The following MSTO1 variants were observed in gnomAD, a reference collection of about 807,000 sequenced individuals.
MSTO1 encodes protein misato homolog 1.
MSTO1 carries 24 observed loss-of-function variants against 55.7 expected under a neutral mutation model. The observed-to-expected ratio is 0.43, with a 90% CI of 0.31 to 0.61. The LOEUF (loss-of-function observed/expected upper bound fraction) is 0.61, where lower values mean the gene tolerates loss of function less well. Among genes scored for constraint, MSTO1 ranks in the 20% least tolerant of loss-of-function variants. The pLI is 0.09. For missense variants in MSTO1, 363 were observed against 625.7 expected, an observed-to-expected ratio of 0.58 and a Z score of 4.48; for synonymous variants, 162 against 252.8, an observed-to-expected ratio of 0.64 and a Z score of 3.41.
upstream of MSTO1, among the ~76,000 whole-genome samples, chr1:155,605,625 T>A (rs1672924813): frequency 6.6e-6 from 1 of 151,978 alleles, no homozygotes; most frequent in Admixed American, 6.6e-5. Context: ...AACATAGACC[T>A]CCTCTCTACA....
At chr1:155,598,720 T>G in the MSTO1 span, 1 of 530,098 alleles carries the variant, frequency 1.9e-6, no homozygotes, top group East Asian at 3.8e-5. Flanking sequence ...AGACCCAGTC[T>G]CAAACAGCAA....
At chr1:155,609,241 A>ATTT (rs1481008523), upstream of MSTO1, among the ~76,000 whole-genome samples, 51 of 48,336 alleles carry the variant, frequency 1.1e-3, no homozygotes, top group South Asian at 3.9e-3. Flanking sequence ...ATATATATAT[A>ATTT]TATTTTTTTT....
chr1:155,606,155 TCCCGA>T (rs1202856439), upstream of MSTO1, among the ~76,000 whole-genome samples: 8 of 125,238 alleles, frequency 6.4e-5, no homozygotes, highest in Non-Finnish European at 1.3e-4. Flanking sequence ...TGCCTCAGCC[TCCCGA>T]GTAGCTGGGA....
chr1:155,575,850 G>A, the MSTO1 span, among the ~76,000 whole-genome samples: 5 of 149,784 alleles, frequency 3.3e-5, no homozygotes, highest in Non-Finnish European at 7.4e-5. Context: ...TTGAGACAGA[G>A]TTCGCTCTGT....
chr1:155,571,285 T>G, the MSTO1 span, among the ~76,000 whole-genome samples: 3 of 152,232 alleles, frequency 2.0e-5, no homozygotes, highest in South Asian at 6.2e-4. Flanking sequence ...TGATAAACTT[T>G]CTTAAAACAT....
the MSTO1 span, among the ~76,000 whole-genome samples, chr1:155,601,232 C>A: frequency 6.6e-6 from 1 of 151,666 alleles, no homozygotes. Flanking sequence ...CTCCCAGGTT[C>A]AAGTGATTCT....
At chr1:155,606,158 C>T (rs577658026), upstream of MSTO1, among the ~76,000 whole-genome samples, 8 of 143,752 alleles carry the variant, frequency 5.6e-5, no homozygotes, top group East Asian at 2.0e-4. Context: ...CTCAGCCTCC[C>T]GAGTAGCTGG....
the MSTO1 span, chr1:155,586,849 G>A: frequency 7.6e-6 from 2 of 262,088 alleles, 1 homozygote; most frequent in South Asian, 7.6e-5. Context: ...CCAGGTTCAA[G>A]CAATTCTCAT....
At chr1:155,570,317 C>T in the MSTO1 span, among the ~76,000 whole-genome samples, 1 of 152,154 alleles carries the variant, frequency 6.6e-6, no homozygotes, top group African/African-American at 2.4e-5. Context: ...TTTAAATTGT[C>T]CACTGTTCTG....
the MSTO1 span, among the ~76,000 whole-genome samples, chr1:155,564,245 G>C: frequency 2.0e-5 from 3 of 152,250 alleles, no homozygotes; most frequent in Non-Finnish European, 4.4e-5. Context: ...TGTAATCCCA[G>C]CGCTTTGGGA....
the MSTO1 span, among the ~76,000 whole-genome samples, chr1:155,594,881 A>G: frequency 1.3e-5 from 2 of 152,186 alleles, no homozygotes; most frequent in African/African-American, 4.8e-5. Flanking sequence ...TCATGCCTGT[A>G]ATCCAAGCAC....
chr1:155,610,103 G>A, upstream of MSTO1: 1 of 766,948 alleles, frequency 1.3e-6, no homozygotes, highest in Non-Finnish European at 2.1e-6. Flanking sequence ...GAAGGGATCG[G>A]CGCATCGTTT....
At chr1:155,563,253 C>CA in the MSTO1 span, 12 of 456,512 alleles carry the variant, frequency 2.6e-5, no homozygotes, top group Admixed American at 2.8e-4. Context: ...TTCGCAGTAG[C>CA]AGGACCGCTG....
chr1:155,601,001 A>C, the MSTO1 span, among the ~76,000 whole-genome samples: 37 of 134,112 alleles, frequency 2.8e-4, no homozygotes, highest in East Asian at 7.2e-3. Context: ...TTTTTTTTAA[A>C]TAGAGATGGA....
At chr1:155,606,248 G>A (rs1345975653), upstream of MSTO1, among the ~76,000 whole-genome samples, 5 of 118,996 alleles carry the variant, frequency 4.2e-5, no homozygotes, top group African/African-American at 6.2e-5. Context: ...TAGTAAAGAC[G>A]GGGTCTCGCC....
upstream of MSTO1, among the ~76,000 whole-genome samples, chr1:155,609,234 T>A (rs1243496242): frequency 3.9e-5 from 2 of 51,088 alleles, no homozygotes; most frequent in African/African-American, 6.1e-5. Context: ...TATATATATA[T>A]ATATATATAT....
chr1:155,579,935 A>G, the MSTO1 span, among the ~76,000 whole-genome samples: 7 of 151,898 alleles, frequency 4.6e-5, no homozygotes, highest in Non-Finnish European at 1.0e-4. Flanking sequence ...AAAATTAGCC[A>G]GGCGTGGTGG....
the MSTO1 span, chr1:155,590,734 C>T: frequency 6.3e-7 from 1 of 1,591,250 alleles, no homozygotes; most frequent in South Asian, 1.1e-5. Context: ...CAGCCTGCCA[C>T]CCAGCAACAA....
chr1:155,590,498 T>C, the MSTO1 span: 1 of 548,014 alleles, frequency 1.8e-6, no homozygotes, highest in East Asian at 2.9e-5. Flanking sequence ...AAAAGAAAAA[T>C]AGAAGGAGGC....
Sources: allele counts gnomAD v4.1 joint callset (sites outside exome capture counted in the v4.1 genomes callset), GRCh38; gene constraint gnomAD v4.1.1; transcripts MANE v1.5; gene names NCBI Gene and HGNC (gene_info 2026-07-23, HGNC 2026-07-21).